The following PRKCB variants were observed in gnomAD, a reference collection of about 807,000 sequenced individuals.
PRKCB encodes the protein protein kinase C beta.
Under a neutral mutation model 81.5 loss-of-function variants are expected in PRKCB, and 13 were observed. The observed-to-expected ratio is 0.16, with a 90% CI of 0.10 to 0.25. The LOEUF (loss-of-function observed/expected upper bound fraction) is 0.25, where lower values mean the gene tolerates loss of function less well. Among genes scored for constraint, PRKCB ranks in the 10% least tolerant of loss-of-function variants. The pLI is 1.00. For missense variants in PRKCB, 509 were observed against 875.7 expected (o/e 0.58, Z 5.29); for synonymous variants, 335 against 321.4 (o/e 1.04, Z -0.45).
In PRKCB at chr16:23,857,351, T is replaced by G. The variant is rs185712612; in HGVS notation, c.205+19945T>G. On this transcript the variant is annotated intron_variant, in intron 2 of 16. Coordinates refer to ENST00000643927, the MANE Select transcript of PRKCB (RefSeq NM_002738.7). ...AGAAAGAAGTGTTTTATGAGCAGAA[T>G]CAGCACAGAGGGAGGGAGGAGGAGG... Among the ~76,000 whole-genome samples the G allele has an allele frequency of 7.9e-5, 12 of 152,134 alleles. No homozygotes were observed. In the East Asian group the frequency reaches 2.3e-3, roughly 29 times the overall value.
Position 24,216,041 on chromosome 16 carries a change from T to G in PRKCB, c.*1225T>G, listed in dbSNP as rs78750834. 0.035 allele frequency: 34,521 copies of G among 985,058 alleles called. 656 individuals are homozygous for G. Among genetic ancestry groups the G allele is most frequent in the African/African-American group, 0.052 (2,972 of 57,264 alleles). 61.0% of individuals were successfully genotyped at this position (985,058 alleles called of 1,614,324 possible). A position where few individuals can be genotyped will look rare whatever the true frequency, so the allele number is the denominator to read the frequency against. The stretch of plus-strand genomic sequence containing the variant: ...ATACTATTTCAAGGAAAACTGCTCT[T>G]TTTGAGAAACGTGGACCTAAACTAC... On this transcript the variant is annotated 3_prime_UTR_variant, in exon 17 of 17. Transcript: ENST00000643927.
chr16:23,874,358 C>A (rs191262263), intron 2 of PRKCB, among the ~76,000 whole-genome samples: 1 of 152,288 alleles, frequency 6.6e-6, no homozygotes, highest in East Asian at 1.9e-4. Flanking sequence ...TGAACCATCA[C>A]ATCTCATGTT....
intron 2 of PRKCB, among the ~76,000 whole-genome samples, chr16:23,985,335 G>A (rs535003709): frequency 6.6e-6 from 1 of 152,212 alleles, no homozygotes; most frequent in East Asian, 1.9e-4. Flanking sequence ...GGCCTCAAGT[G>A]ATCTGCCTGC....
chr16:23,945,195 AC>A (rs1187187177), intron 2 of PRKCB, among the ~76,000 whole-genome samples: 1 of 152,152 alleles, frequency 6.6e-6, no homozygotes, highest in Admixed American at 6.5e-5. Context: ...CCACAGGGGC[AC>A]CCTGACAATT....
intron 3 of PRKCB, 141 bp downstream of exon 3, chr16:23,988,731 G>A (rs1228025042): frequency 6.5e-6 from 5 of 774,472 alleles, no homozygotes; most frequent in Middle Eastern, 2.5e-4. Flanking sequence ...TTTTGAGACA[G>A]TTTTCCTTTT....
rs72154122 is a variant in PRKCB, at chr16:24,174,494, CTTTTT to C, written c.1332-13_1332-9del. The C allele has an allele frequency of 4.6e-5, 70 of 1,514,484 alleles. No individual in the cohort carries two copies. The highest frequency in any genetic ancestry group is 6.2e-5 in the Non-Finnish European group (69 of 1,110,890). 93.8% of individuals were successfully genotyped at this position (1,514,484 alleles called of 1,614,324 possible). A position where few individuals can be genotyped will look rare whatever the true frequency, so the allele number is the denominator to read the frequency against. On this transcript the variant is annotated intron_variant, in intron 11 of 16. Transcript: ENST00000643927. ...ATGGTGTCCTTGAGTTTCTCCATCG[CTTTTT>C]TTTTTTTTTTAATTTCAGATTTTAC...
At chr16:23,846,608 C>CA (rs33919504) in intron 2 of PRKCB, among the ~76,000 whole-genome samples, 3,704 of 65,164 alleles carry the variant, frequency 0.057, 464 homozygotes, top group African/African-American at 0.18. Context: ...GACTCCGTCT[C>CA]AAAAAAAAAA....
rs753446327 is a variant in PRKCB at position 24,046,205 on chromosome 16, C to T, written c.529+10658C>T. Among the ~76,000 whole-genome samples, 5 of 152,204 alleles carry T rather than the reference C, an allele frequency of 3.3e-5. No homozygotes were observed. In the South Asian group the frequency reaches 8.3e-4, roughly 25 times the overall value. On this transcript the variant is annotated intron_variant, in intron 5 of 16. Coordinates refer to ENST00000643927, the MANE Select transcript of PRKCB (RefSeq NM_002738.7). ...TTGCTTTTCTGGATGGCTTGCTGCA[C>T]GTCTCTGCTAATTTTAGGCCAATGT...
chr16:24,051,753 A>G (rs1454421492), intron 5 of PRKCB, among the ~76,000 whole-genome samples: 1 of 152,178 alleles, frequency 6.6e-6, no homozygotes, highest in African/African-American at 2.4e-5. Flanking sequence ...GTAGTGCAGC[A>G]TGCCTGTAAT....
intron 3 of PRKCB, among the ~76,000 whole-genome samples, chr16:24,001,415 CT>C (rs1389661336): frequency 6.6e-6 from 1 of 152,106 alleles, no homozygotes; most frequent in African/African-American, 2.4e-5. Flanking sequence ...TCAAGTCTCA[CT>C]TTGTGATAAG....
intron 13 of PRKCB, among the ~76,000 whole-genome samples, chr16:24,183,103 G>T (rs542753942): frequency 6.6e-6 from 1 of 151,852 alleles, no homozygotes; most frequent in Non-Finnish European, 1.5e-5. Flanking sequence ...CTCGTGATCC[G>T]CCCGCCTCGG....
At chr16:23,958,193 T>G (rs1285885116) in intron 2 of PRKCB, among the ~76,000 whole-genome samples, 1 of 152,118 alleles carries the variant, frequency 6.6e-6, no homozygotes, top group Admixed American at 6.5e-5. Flanking sequence ...GGTTTCGCCA[T>G]GTTGGCCAGG....
At chr16:23,875,537 C>A (rs72483407) in intron 2 of PRKCB, among the ~76,000 whole-genome samples, 5,036 of 54,074 alleles carry the variant, frequency 0.093, 781 homozygotes, top group South Asian at 0.26. Flanking sequence ...GTGTATATCA[C>A]ACACATATGT....
chr16:23,972,632 G>A (rs953847781), intron 2 of PRKCB, among the ~76,000 whole-genome samples: 3 of 152,180 alleles, frequency 2.0e-5, no homozygotes, highest in African/African-American at 7.2e-5. Context: ...TTGTCTAAGG[G>A]CATCTAGCAT....
chr16:24,079,472 G>C (rs1966222169), intron 5 of PRKCB, among the ~76,000 whole-genome samples: 1 of 152,156 alleles, frequency 6.6e-6, no homozygotes, highest in Admixed American at 6.5e-5. Flanking sequence ...CAGATTTAGA[G>C]TAACATTTTT....
chr16:24,031,760 G>A (rs1965553604), intron 3 of PRKCB, among the ~76,000 whole-genome samples: 1 of 152,152 alleles, frequency 6.6e-6, no homozygotes, highest in Admixed American at 6.5e-5. Flanking sequence ...AATAAAGGTG[G>A]GGAGAAAGAA....
At chr16:24,027,402 G>A (rs570944992) in intron 3 of PRKCB, among the ~76,000 whole-genome samples, 6 of 152,266 alleles carry the variant, frequency 3.9e-5, no homozygotes, top group Middle Eastern at 3.4e-3. Flanking sequence ...CTCATTGTCC[G>A]GAGATAGAGA....
At chr16:24,034,915 C>G (rs1965594313) in intron 4 of PRKCB, among the ~76,000 whole-genome samples, 1 of 152,182 alleles carries the variant, frequency 6.6e-6, no homozygotes, top group Non-Finnish European at 1.5e-5. Flanking sequence ...TCAAAACTCC[C>G]CGTCTCAGAC....
At chr16:24,061,547 T>C (rs1187754249) in intron 5 of PRKCB, among the ~76,000 whole-genome samples, 1 of 152,190 alleles carries the variant, frequency 6.6e-6, no homozygotes, top group Non-Finnish European at 1.5e-5. Flanking sequence ...TTCCACGAGC[T>C]ATTTCCAGGG....
Sources: allele counts gnomAD v4.1 joint callset (sites outside exome capture counted in the v4.1 genomes callset), GRCh38; gene constraint gnomAD v4.1.1; transcripts MANE v1.5; gene names NCBI Gene and HGNC (gene_info 2026-07-23, HGNC 2026-07-21).